TRIQK: variants seen among roughly 807,000 people sequenced by gnomAD.
The protein encoded by TRIQK is triple QxxK/R motif containing.
Under a neutral mutation model 10.8 loss-of-function variants are expected in TRIQK, and 10 were observed. The ratio of observed to expected loss-of-function variants is 0.92; its 90% CI spans 0.57 to 1.57. The LOEUF (loss-of-function observed/expected upper bound fraction) is 1.57. Ranked by LOEUF, TRIQK falls within the 40% of genes most tolerant of loss-of-function variation. TRIQK has a pLI of 0.00. For missense variants in TRIQK, 107 were observed against 97.7 expected, an observed-to-expected ratio of 1.09 and a Z score of -0.40; for synonymous variants, 33 against 33.7, an observed-to-expected ratio of 0.98 and a Z score of 0.07.
rs573412968 is a variant in TRIQK, at chr8:92,935,186, A to G, written c.-21-18176T>C. ...GTTAATTGTCGGCCTTTTTAAGAGTATTCAGTCTCACAAAAAATAACAAAG... is the reference window on the plus strand; with the variant it reads ...GTTAATTGTCGGCCTTTTTAAGAGTGTTCAGTCTCACAAAAAATAACAAAG... On this transcript the variant is annotated intron_variant, in intron 2 of 4. Transcript: ENST00000521988. Among the ~76,000 whole-genome samples the G allele has an allele frequency of 1.4e-4, 21 of 151,802 alleles. No individual in the cohort carries two copies. In the South Asian group the frequency reaches 3.9e-3, roughly 28 times the overall value.
At chr8:92,954,287 T>C (rs1242510304) in intron 2 of TRIQK, 119 bp downstream of exon 2, 2 of 151,932 alleles carry the variant, frequency 1.3e-5, no homozygotes, top group Non-Finnish European at 2.9e-5. Context: ...GAAAAACCTA[T>C]GCTTGGAACC....
chr8:92,949,822 GAA>G (rs1390882975), intron 2 of TRIQK, among the ~76,000 whole-genome samples: 1 of 114,506 alleles, frequency 8.7e-6, no homozygotes, highest in Non-Finnish European at 1.7e-5. Context: ...AAGAAAGAAA[GAA>G]AGAAAGAAAG....
At chr8:92,920,474 A>G (rs1048376046) in intron 2 of TRIQK, among the ~76,000 whole-genome samples, 2 of 151,574 alleles carry the variant, frequency 1.3e-5, no homozygotes, top group African/African-American at 4.8e-5. Flanking sequence ...CCAACAGGAG[A>G]AAAATGAAAA....
intron 3 of TRIQK, among the ~76,000 whole-genome samples, chr8:92,892,772 T>C (rs1183100886): frequency 1.3e-5 from 2 of 151,952 alleles, no homozygotes; most frequent in Non-Finnish European, 2.9e-5. Flanking sequence ...ATTTCCTTTG[T>C]GTATCATCTA....
At chr8:92,899,683 G>C (rs1808814746) in intron 3 of TRIQK, among the ~76,000 whole-genome samples, 1 of 152,070 alleles carries the variant, frequency 6.6e-6, no homozygotes, top group Non-Finnish European at 1.5e-5. Flanking sequence ...CTGAATCTTG[G>C]CTACTGTGAA....
intron 2 of TRIQK, among the ~76,000 whole-genome samples, chr8:92,944,777 C>T (rs968134917): frequency 5.3e-5 from 8 of 152,044 alleles, no homozygotes; most frequent in Admixed American, 2.0e-4. Context: ...GGAATAAATT[C>T]TGGTGTTCTA....
At chr8:92,943,105 A>G (rs1457108692) in intron 2 of TRIQK, among the ~76,000 whole-genome samples, 1 of 152,154 alleles carries the variant, frequency 6.6e-6, no homozygotes, top group Non-Finnish European at 1.5e-5. Context: ...ACTTAGTAAT[A>G]AATTTAACCA....
chr8:92,939,245 G>A (rs1478032423), intron 2 of TRIQK, among the ~76,000 whole-genome samples: 1 of 152,122 alleles, frequency 6.6e-6, no homozygotes, highest in African/African-American at 2.4e-5. Flanking sequence ...TATCCCCAGT[G>A]GGGTCTCAAC....
At chr8:92,964,450 GTA>G (rs1394138221) in intron 1 of TRIQK, among the ~76,000 whole-genome samples, 1 of 127,332 alleles carries the variant, frequency 7.9e-6, no homozygotes, top group Non-Finnish European at 1.7e-5. Context: ...ATCTTTTCAG[GTA>G]TATATATATA....
At chr8:92,966,509 G>GA (rs909892912), upstream of TRIQK, among the ~76,000 whole-genome samples, 34 of 149,628 alleles carry the variant, frequency 2.3e-4, no homozygotes, top group South Asian at 4.2e-4. Context: ...CAGCAAAAAA[G>GA]AAAAAAAAAT....
chr8:92,970,153 A>G (rs1812859800), upstream of TRIQK, among the ~76,000 whole-genome samples: 1 of 152,168 alleles, frequency 6.6e-6, no homozygotes, highest in Non-Finnish European at 1.5e-5. Context: ...ATAGTATTCC[A>G]TGGTGTATAT....
At chr8:92,952,418 AACACAC>A (rs143129049) in intron 2 of TRIQK, among the ~76,000 whole-genome samples, 5 of 148,108 alleles carry the variant, frequency 3.4e-5, no homozygotes, top group African/African-American at 1.2e-4. Context: ...ACAAAGATAA[AACACAC>A]ACACACACAC....
At chr8:92,921,692 T>C (rs1256347249) in intron 2 of TRIQK, 1 of 151,838 alleles carries the variant, frequency 6.6e-6, no homozygotes, top group Non-Finnish European at 1.5e-5. Context: ...TTGCAGCATT[T>C]GCAGTACTAT....
At chr8:92,889,740 C>T (rs1212859520) in intron 4 of TRIQK, among the ~76,000 whole-genome samples, 1 of 151,586 alleles carries the variant, frequency 6.6e-6, no homozygotes, top group Non-Finnish European at 1.5e-5. Flanking sequence ...CTCCTGACAA[C>T]ATTATGAGGT....
chr8:92,919,201 G>A (rs930834126), intron 2 of TRIQK, among the ~76,000 whole-genome samples: 53 of 151,684 alleles, frequency 3.5e-4, no homozygotes, highest in African/African-American at 1.3e-3. Flanking sequence ...TTCAGCTATT[G>A]GGGATCTTCT....
At chr8:92,964,450 G>GTATATATATA (rs1394138221) in intron 1 of TRIQK, among the ~76,000 whole-genome samples, 6 of 127,334 alleles carry the variant, frequency 4.7e-5, no homozygotes, top group African/African-American at 1.7e-4. Flanking sequence ...ATCTTTTCAG[G>GTATATATATA]TATATATATA....
intron 3 of TRIQK, among the ~76,000 whole-genome samples, chr8:92,896,691 A>G (rs938772096): frequency 6.6e-6 from 1 of 152,018 alleles, no homozygotes; most frequent in African/African-American, 2.4e-5. Flanking sequence ...TTAAGATTTA[A>G]TGTTGTTTTC....
At chr8:92,924,023 A>G (rs1237225552) in intron 2 of TRIQK, among the ~76,000 whole-genome samples, 1 of 151,990 alleles carries the variant, frequency 6.6e-6, no homozygotes, top group Non-Finnish European at 1.5e-5. Flanking sequence ...AAAAAGTTCA[A>G]CCCATGTCCA....
intron 2 of TRIQK, among the ~76,000 whole-genome samples, chr8:92,948,240 G>T (rs1811658574): frequency 6.6e-6 from 1 of 152,050 alleles, no homozygotes; most frequent in South Asian, 2.1e-4. Context: ...GACCACCTAG[G>T]TCTGTAATTA....
Sources: allele counts gnomAD v4.1 joint callset (sites outside exome capture counted in the v4.1 genomes callset), GRCh38; gene constraint gnomAD v4.1.1; transcripts MANE v1.5; gene names NCBI Gene and HGNC (gene_info 2026-07-23, HGNC 2026-07-21).